MAP4K3: variants seen among roughly 807,000 people sequenced by gnomAD.
MAP4K3 encodes MAPK/ERK kinase kinase kinase 3.
MAP4K3 carries 94 observed loss-of-function variants against 143.5 expected under a neutral mutation model. The observed-to-expected ratio is 0.65, with a 90% CI of 0.55 to 0.78. The LOEUF (loss-of-function observed/expected upper bound fraction) is 0.78, where lower values mean the gene tolerates loss of function less well. Among genes scored for constraint, MAP4K3 ranks in the 30% least tolerant of loss-of-function variants. The pLI, the probability that MAP4K3 is intolerant of heterozygous loss-of-function variation, is 0.00. For missense variants in MAP4K3, 1,077 were observed against 1,068.1 expected (o/e 1.01, Z -0.12); for synonymous variants, 416 against 347.2 (o/e 1.20, Z -2.20).
chr2:39,309,496 G>T lies in MAP4K3; in HGVS notation c.1021C>A (p.Pro341Thr). Residue 341 changes from proline to threonine, a missense_variant, in exon 14 of 34, where the codon CCC (proline) becomes ACC (threonine). By Grantham distance (38) the Pro-to-Thr change is conservative. Around this residue, in one of 2 missense-constraint regions of MAP4K3, gnomAD observed 864 missense variants for 801.2 expected, o/e 1.08. Coordinates refer to ENST00000263881, the MANE Select transcript of MAP4K3 (RefSeq NM_003618.4). ...TGTGGTTCTGTCTCCTTTCTTAAGGGTGGATCAAATTTCACTTGGCCAACT... is the reference window on the plus strand; with the variant it reads ...TGTGGTTCTGTCTCCTTTCTTAAGGTTGGATCAAATTTCACTTGGCCAACT... ...ITFGQVKFDP[P>T]LRKETEPHHE... is the part of the protein sequence containing the mutation. 6.3e-7 allele frequency: 1 copy of T among 1,592,660 alleles called. No homozygotes were observed. Among genetic ancestry groups the T allele is most frequent in the Non-Finnish European group, 8.5e-7 (1 of 1,172,288 alleles).
chr2:39,413,837 T>C (rs545481956), intron 1 of MAP4K3, among the ~76,000 whole-genome samples: 1 of 152,140 alleles, frequency 6.6e-6, no homozygotes, highest in South Asian at 2.1e-4. Context: ...GATCATTTTG[T>C]CACTCAAGAG....
chr2:39,384,969 TGA>T (rs1666456805), intron 1 of MAP4K3, among the ~76,000 whole-genome samples: 1 of 152,240 alleles, frequency 6.6e-6, no homozygotes, highest in Non-Finnish European at 1.5e-5. Flanking sequence ...TTTTTCTTTT[TGA>T]GAATGCCATA....
In MAP4K3 at chr2:39,326,181, C is replaced by T. The variant is rs1361591611; in HGVS notation, c.627G>A (p.Glu209=). ...AVGITAIELA[E]LQPPMFDLHP... Reference sequence around the variant, plus strand: ...GTAAGTCAAACATAGGAGGCTGAAGCTCTGCAAGTTCTATGGCAGTGATTC... The same window carrying T: ...GTAAGTCAAACATAGGAGGCTGAAGTTCTGCAAGTTCTATGGCAGTGATTC... The change falls in exon 9 of 34, where the codon GAG becomes GAA. Residue 209 remains glutamate (E), a synonymous_variant. Coordinates refer to ENST00000263881, the MANE Select transcript of MAP4K3 (RefSeq NM_003618.4). 6.2e-7 allele frequency: 1 copy of T among 1,613,800 alleles called. No homozygotes were observed. Among genetic ancestry groups the T allele is most frequent in the Non-Finnish European group, 8.5e-7 (1 of 1,179,902 alleles).
In MAP4K3 at chr2:39,249,305, A is replaced by G. The variant is rs902139841; in HGVS notation, c.*1313T>C. ...ATGTTAAAAAACATGTTTATTTTAC[A>G]ATATGTACAATCAGGAACATATTTT... On this transcript the variant is annotated 3_prime_UTR_variant, in exon 34 of 34. Transcript: ENST00000263881. 11 of 152,762 alleles carry G rather than the reference A, an allele frequency of 7.2e-5. No individual in the cohort carries two copies. Among genetic ancestry groups the G allele is most frequent in the African/African-American group, 2.2e-4 (9 of 41,578 alleles). 9.5% of individuals were successfully genotyped at this position (152,762 alleles called of 1,614,324 possible).
chr2:39,412,242 G>C (rs1015119634), intron 1 of MAP4K3, among the ~76,000 whole-genome samples: 1 of 152,116 alleles, frequency 6.6e-6, no homozygotes, highest in East Asian at 1.9e-4. Flanking sequence ...CACCAAATTG[G>C]ATCTACAGGA....
intron 1 of MAP4K3, among the ~76,000 whole-genome samples, chr2:39,418,624 G>C (rs1165983925): frequency 6.6e-6 from 1 of 151,890 alleles, no homozygotes; most frequent in African/African-American, 2.4e-5. Context: ...GGTGATCAAA[G>C]TTAACACTGC....
At chr2:39,260,980 T>C in intron 28 of MAP4K3, 1 of 477,368 alleles carries the variant, frequency 2.1e-6, no homozygotes, top group Non-Finnish European at 3.7e-6. Context: ...TATAATTACA[T>C]GATTTTAGGA....
intron 22 of MAP4K3, among the ~76,000 whole-genome samples, chr2:39,281,465 A>G (rs1010925383): frequency 6.6e-6 from 1 of 152,230 alleles, no homozygotes; most frequent in Non-Finnish European, 1.5e-5. Flanking sequence ...TGTAGGGCAG[A>G]AACTATCATT....
chr2:39,299,056 C>T (rs895472047), intron 16 of MAP4K3, among the ~76,000 whole-genome samples: 5 of 151,398 alleles, frequency 3.3e-5, no homozygotes, highest in African/African-American at 1.2e-4. Flanking sequence ...AAATTATATT[C>T]CCTTATAAAT....
Position 39,436,735 on chromosome 2 carries a change from A to G in MAP4K3, c.96+157T>C, listed in dbSNP as rs185322437. The G allele has an allele frequency of 4.1e-5, 26 of 632,018 alleles. No homozygotes were observed. In the African/African-American group the frequency reaches 4.5e-4, roughly 11 times the overall value. 39.2% of individuals were successfully genotyped at this position (632,018 alleles called of 1,614,324 possible). ...GGGTTAAACATTCGGCCCTTTGTTC[A>G]CCAAGGCAGCAGAGCCCTTGGCGTC... On this transcript the variant is annotated intron_variant, in intron 1 of 33. Coordinates refer to ENST00000263881, the MANE Select transcript of MAP4K3 (RefSeq NM_003618.4).
chr2:39,326,650 G>T (rs1338308052), intron 8 of MAP4K3, among the ~76,000 whole-genome samples: 3 of 152,138 alleles, frequency 2.0e-5, no homozygotes, highest in Non-Finnish European at 4.4e-5. Flanking sequence ...GGGGTGGGCA[G>T]GGGCAGAATG....
chr2:39,355,359 CAAAAAAAAAAA>C (rs34355105), intron 3 of MAP4K3, among the ~76,000 whole-genome samples: 30 of 34,540 alleles, frequency 8.7e-4, no homozygotes, highest in Non-Finnish European at 9.8e-4. Context: ...GACTCCACCT[CAAAAAAAAAAA>C]AAAAAAAAAA....
At chr2:39,392,861 C>T (rs1370088508) in intron 1 of MAP4K3, among the ~76,000 whole-genome samples, 1 of 152,208 alleles carries the variant, frequency 6.6e-6, no homozygotes, top group African/African-American at 2.4e-5. Flanking sequence ...AAGACCCTAA[C>T]TGGATGCCAT....
chr2:39,400,782 A>AGTAAT (rs1666933867), intron 1 of MAP4K3, among the ~76,000 whole-genome samples: 1 of 152,222 alleles, frequency 6.6e-6, no homozygotes, highest in South Asian at 2.1e-4. Context: ...TGAGTAATAC[A>AGTAAT]GTAATTTTCA....
At chr2:39,259,011 T>G (rs200572624) in intron 29 of MAP4K3, among the ~76,000 whole-genome samples, 361 of 20,466 alleles carry the variant, frequency 0.018, 3 homozygotes, top group African/African-American at 0.02. Context: ...ATGAAAATTG[T>G]TTTTTTTTTT....
intron 2 of MAP4K3, among the ~76,000 whole-genome samples, chr2:39,359,348 G>A (rs1459208686): frequency 6.6e-6 from 1 of 152,180 alleles, no homozygotes; most frequent in Admixed American, 6.5e-5. Context: ...CTGATAACAA[G>A]AGGTGGACTC....
chr2:39,364,742 C>T (rs537669506), intron 2 of MAP4K3, among the ~76,000 whole-genome samples: 3 of 152,148 alleles, frequency 2.0e-5, no homozygotes, highest in Non-Finnish European at 2.9e-5. Flanking sequence ...ATGGCATATG[C>T]CTATAATCCC....
intron 1 of MAP4K3, among the ~76,000 whole-genome samples, chr2:39,435,886 C>A (rs978010357): frequency 6.6e-6 from 1 of 152,208 alleles, no homozygotes; most frequent in East Asian, 1.9e-4. Context: ...ATGTAAGTTA[C>A]CACAGGCATT....
intron 8 of MAP4K3, among the ~76,000 whole-genome samples, chr2:39,331,463 C>T (rs1394385499): frequency 6.6e-6 from 1 of 152,062 alleles, no homozygotes; most frequent in Non-Finnish European, 1.5e-5. Context: ...TCACAGAAGA[C>T]TCAACTGTCA....
Sources: allele counts gnomAD v4.1 joint callset (sites outside exome capture counted in the v4.1 genomes callset), GRCh38; gene constraint gnomAD v4.1.1; regional missense constraint gnomAD v4.1.1; transcripts MANE v1.5; gene names NCBI Gene and HGNC (gene_info 2026-07-23, HGNC 2026-07-21).